The following PUDP variants were observed in gnomAD, a reference collection of about 807,000 sequenced individuals.
PUDP encodes pseudouridine-5'-phosphatase.
Under a neutral mutation model 9.4 loss-of-function variants are expected in PUDP, and 8 were observed. That is an observed-to-expected ratio of 0.85 (90% CI 0.50 to 1.53). PUDP has a LOEUF of 1.53. PUDP is among the 40% of genes most tolerant of loss of function. The pLI, the probability that PUDP is intolerant of heterozygous loss-of-function variation, is 0.00. For synonymous variants in PUDP, 99 were observed against 80.7 expected (o/e 1.23, Z -1.22); for missense variants, 188 against 189.7 (o/e 0.99, Z 0.05).
chrX:6,847,902 A>AG (rs1926772737), intron 3 of PUDP, among the ~76,000 whole-genome samples: 1 of 111,779 alleles, frequency 8.9e-6, no homozygotes, highest in South Asian at 3.8e-4. Context: ...AGGAAGTAGA[A>AG]GGGAAAAAGT....
At chrX:6,858,322 C>CTTTTTTTTTTTTTT (rs370817442) in intron 3 of PUDP, among the ~76,000 whole-genome samples, 2 of 89,466 alleles carry the variant, frequency 2.2e-5, no homozygotes, top group Non-Finnish European at 4.4e-5. Flanking sequence ...TTTTTTCTTT[C>CTTTTTTTTTTTTTT]TTTTTTTTTT....
intron 3 of PUDP, among the ~76,000 whole-genome samples, chrX:6,932,821 C>T (rs1324997123): frequency 1.8e-5 from 2 of 111,875 alleles, no homozygotes; most frequent in Admixed American, 9.4e-5. Flanking sequence ...GATTATATCC[C>T]ACACCTGGCT....
intron 1 of PUDP, among the ~76,000 whole-genome samples, chrX:7,021,006 C>T (rs1929624431): frequency 8.9e-6 from 1 of 112,649 alleles, no homozygotes; most frequent in African/African-American, 3.2e-5. Flanking sequence ...AATTCATGCA[C>T]ATGTCTGCTG....
intron 3 of PUDP, among the ~76,000 whole-genome samples, chrX:6,923,394 T>A (rs1928054005): frequency 8.9e-6 from 1 of 112,131 alleles, no homozygotes; most frequent in Non-Finnish European, 1.9e-5. Context: ...CCTCTGCACA[T>A]GGATATCTGA....
intron 3 of PUDP, among the ~76,000 whole-genome samples, chrX:6,827,330 A>G (rs1262088517): frequency 8.9e-6 from 1 of 112,061 alleles, no homozygotes; most frequent in Non-Finnish European, 1.9e-5. Context: ...ATTGAAAATG[A>G]AAGTACACTC....
chrX:6,813,223 G>A (rs983970183), intron 3 of PUDP, among the ~76,000 whole-genome samples: 6 of 110,611 alleles, frequency 5.4e-5, no homozygotes, highest in African/African-American at 2.0e-4. Context: ...AAGAAGGAGG[G>A]AGGGAGGGGA....
chrX:6,841,448 C>G (rs779855236), intron 3 of PUDP, among the ~76,000 whole-genome samples: 1 of 108,860 alleles, frequency 9.2e-6, no homozygotes, highest in South Asian at 4.1e-4. Context: ...CAAAAATTAG[C>G]CAGGTGTGGT....
chrX:7,054,364 C>T (rs1163814061), intron 3 of PUDP, among the ~76,000 whole-genome samples: 1 of 108,952 alleles, frequency 9.2e-6, no homozygotes, highest in African/African-American at 3.4e-5. Flanking sequence ...GAGTCAAGAT[C>T]GTGCCACTGC....
intron 3 of PUDP, among the ~76,000 whole-genome samples, chrX:6,881,443 G>A (rs1052987313): frequency 1.8e-5 from 2 of 111,469 alleles, no homozygotes; most frequent in Admixed American, 9.6e-5. Context: ...GATGCACCAA[G>A]CTCAGGGTGT....
intron 3 of PUDP, among the ~76,000 whole-genome samples, chrX:6,929,891 C>T (rs1353785048): frequency 2.7e-5 from 3 of 111,675 alleles, no homozygotes; most frequent in Middle Eastern, 4.2e-3. Context: ...TGTCTCAATC[C>T]TCTTTCCTTT....
intron 1 of PUDP, among the ~76,000 whole-genome samples, chrX:6,714,331 A>G (rs1924570041): frequency 9.0e-6 from 1 of 110,830 alleles, no homozygotes; most frequent in Non-Finnish European, 1.9e-5. Context: ...CAATAGCTAG[A>G]TGATAGATAG....
chrX:7,014,181 G>A (rs1030580846), intron 1 of PUDP, among the ~76,000 whole-genome samples: 26 of 110,132 alleles, frequency 2.4e-4, no homozygotes, highest in African/African-American at 8.0e-4. Flanking sequence ...TTGTCTGCTT[G>A]TCTCCTCATC....
chrX:6,810,395 A>C (rs1485942100), intron 3 of PUDP, among the ~76,000 whole-genome samples: 1 of 111,655 alleles, frequency 9.0e-6, no homozygotes, highest in Non-Finnish European at 1.9e-5. Flanking sequence ...AACAGGTTGT[A>C]ACAAACGATC....
intron 3 of PUDP, among the ~76,000 whole-genome samples, chrX:6,940,303 C>T (rs971062553): frequency 1.8e-5 from 2 of 112,816 alleles, no homozygotes; most frequent in African/African-American, 3.2e-5. Context: ...ACTACAATGA[C>T]GGAATTGAGA....
intron 3 of PUDP, among the ~76,000 whole-genome samples, chrX:7,051,733 G>A (rs1350023417): frequency 8.9e-6 from 1 of 112,062 alleles, no homozygotes; most frequent in African/African-American, 3.3e-5. Flanking sequence ...TAATCCACAT[G>A]TGCTATCTTC....
At chrX:6,995,113 T>A (rs1166252584) in intron 1 of PUDP, among the ~76,000 whole-genome samples, 2 of 111,530 alleles carry the variant, frequency 1.8e-5, no homozygotes, top group African/African-American at 6.5e-5. Context: ...GCTTTCTTTT[T>A]TTTTTAAAGC....
chrX:7,073,484 G>T (rs917456928), intron 3 of PUDP, among the ~76,000 whole-genome samples: 3 of 112,423 alleles, frequency 2.7e-5, no homozygotes, highest in African/African-American at 6.5e-5. Context: ...AGTGACTGAT[G>T]ATTTAATGGA....
intron 1 of PUDP, among the ~76,000 whole-genome samples, chrX:7,119,273 C>T (rs766250504): frequency 2.7e-5 from 3 of 112,571 alleles, no homozygotes; most frequent in South Asian, 3.7e-4. Flanking sequence ...GTTGTTAACA[C>T]GCTGTGAGCA....
At chrX:7,137,630 T>A in intron 1 of PUDP, among the ~76,000 whole-genome samples, 1 of 112,555 alleles carries the variant, frequency 8.9e-6, no homozygotes, top group Non-Finnish European at 1.9e-5. Flanking sequence ...TTCAATCTCA[T>A]GAGCAAACAT....
Sources: allele counts gnomAD v4.1 joint callset (sites outside exome capture counted in the v4.1 genomes callset), GRCh38; gene constraint gnomAD v4.1.1; transcripts MANE v1.5; gene names NCBI Gene and HGNC (gene_info 2026-07-23, HGNC 2026-07-21).